The following ARID2 variants were observed in gnomAD, a reference collection of about 807,000 sequenced individuals.
The protein encoded by ARID2 is AT-rich interactive domain-containing protein 2.
ARID2 carries 32 observed loss-of-function variants against 184.6 expected under a neutral mutation model. The ratio of observed to expected loss-of-function variants is 0.17; its 90% CI spans 0.13 to 0.23. The LOEUF (loss-of-function observed/expected upper bound fraction) is 0.23. Among genes scored for constraint, ARID2 ranks in the 10% least tolerant of loss-of-function variants. The probability of loss-of-function intolerance (pLI) is 1.00; values close to 1 mark genes in which losing one functional copy is unlikely to be tolerated. For missense variants in ARID2, 1,696 were observed against 2,197.6 expected (o/e 0.77, Z 4.56); for synonymous variants, 836 against 772.6 (o/e 1.08, Z -1.36).
intron 6 of ARID2, among the ~76,000 whole-genome samples, chr12:45,832,762 G>A (rs2138118043): frequency 6.6e-6 from 1 of 152,220 alleles, no homozygotes; most frequent in Middle Eastern, 3.4e-3. Flanking sequence ...TTAAAAAACA[G>A]TAAAAAGTAA....
chr12:45,827,968 A>C (rs906684093), intron 6 of ARID2, among the ~76,000 whole-genome samples: 2 of 152,112 alleles, frequency 1.3e-5, no homozygotes, highest in African/African-American at 4.8e-5. Flanking sequence ...TTCAGGATGC[A>C]TTGACTTTGT....
At chr12:45,869,173 T>C (rs1943877862) in intron 16 of ARID2, among the ~76,000 whole-genome samples, 1 of 152,006 alleles carries the variant, frequency 6.6e-6, no homozygotes, top group African/African-American at 2.4e-5. Flanking sequence ...CGTGCCACCA[T>C]GCCCAGCTAA....
At chr12:45,816,516 A>G (rs1942804849) in intron 4 of ARID2, among the ~76,000 whole-genome samples, 2 of 152,240 alleles carry the variant, frequency 1.3e-5, no homozygotes, top group South Asian at 4.1e-4. Flanking sequence ...ACAGTTTCAC[A>G]GTTTGTTACA....
In ARID2 at chr12:45,738,972, CT is replaced by C. The variant is rs573275434; in HGVS notation, c.284+7667del. On this transcript the variant is annotated intron_variant, in intron 3 of 20. Transcript: ENST00000334344. ...TGCTGTACATTTTACAGAGTGTTGT[CT>C]TTTTTTTTCTTTTTGAGACAGTTTC... 2.8e-3 allele frequency among the ~76,000 whole-genome samples: 421 copies of C among 149,782 alleles called. 3 individuals are homozygous for C. Among genetic ancestry groups the C allele is most frequent in the Admixed American group, 4.8e-3 (72 of 14,948 alleles).
intron 2 of ARID2, among the ~76,000 whole-genome samples, chr12:45,730,826 C>T (rs367954741): frequency 2.6e-5 from 4 of 151,574 alleles, no homozygotes; most frequent in East Asian, 1.9e-4. Flanking sequence ...CGGCCCCCCC[C>T]CCAACCCGCG....
intron 3 of ARID2, among the ~76,000 whole-genome samples, chr12:45,792,519 A>G (rs1481667157): frequency 6.6e-6 from 1 of 152,206 alleles, no homozygotes; most frequent in Non-Finnish European, 1.5e-5. Context: ...TGCTTTGTAT[A>G]CAGTATGTCC....
chr12:45,781,347 C>A (rs1942085460), intron 3 of ARID2, among the ~76,000 whole-genome samples: 1 of 5,524 alleles, frequency 1.8e-4, no homozygotes, highest in Non-Finnish European at 4.2e-4. Flanking sequence ...AATTAATTTC[C>A]TTGTGGCCCA....
chr12:45,758,982 TTC>T (rs1431305654), intron 3 of ARID2, among the ~76,000 whole-genome samples: 2 of 152,084 alleles, frequency 1.3e-5, no homozygotes, highest in Non-Finnish European at 2.9e-5. Context: ...CTGCTGAAAC[TTC>T]TGTTGTGATA....
rs1942030001 is a variant in ARID2 at position 45,778,483 on chromosome 12, G to A, written c.285-32935G>A. 3.9e-5 allele frequency among the ~76,000 whole-genome samples: 6 copies of A among 152,040 alleles called. No individual in the cohort carries two copies. The South Asian group carries it at 1.2e-3, about 32-fold the overall frequency. On this transcript the variant is annotated intron_variant, in intron 3 of 20. Coordinates refer to ENST00000334344, the MANE Select transcript of ARID2 (RefSeq NM_152641.4). ...TTTGATATTTGTGTGTATATAGATA[G>A]GTAGAGAAGGCAGAGAGAGAAGTAA...
chr12:45,760,975 TGTTGG>T (rs1941667368), intron 3 of ARID2, among the ~76,000 whole-genome samples: 2 of 152,158 alleles, frequency 1.3e-5, no homozygotes, highest in African/African-American at 4.8e-5. Context: ...AGTCCTTCCA[TGTTGG>T]CCCCACAAAG....
At position 45,817,664 on chromosome 12, in the gene ARID2, T is replaced by C; in HGVS notation, c.419-6T>C. 6.3e-7 allele frequency: 1 copy of C among 1,598,272 alleles called. No individual in the cohort carries two copies. The highest frequency in any genetic ancestry group is 1.1e-5 in the South Asian group (1 of 88,942). On this transcript the variant is annotated splice_region_variant and splice_polypyrimidine_tract_variant and intron_variant, in intron 4 of 20. Coordinates refer to ENST00000334344, the MANE Select transcript of ARID2 (RefSeq NM_152641.4). ...ATATACTTAAGGTATTTTTTTTCTT[T>C]GTTAGATTATCTGCGTCAAAGTTAT...
At chr12:45,811,266 CTG>C (rs756544103) in intron 3 of ARID2, 150 bp from the exon 4 acceptor site, 4 of 735,658 alleles carry the variant, frequency 5.4e-6, no homozygotes, top group East Asian at 3.0e-5. Context: ...TTACTCTAAA[CTG>C]GAGTTACTGT....
intron 3 of ARID2, among the ~76,000 whole-genome samples, chr12:45,810,666 A>G (rs1005397284): frequency 1.3e-5 from 2 of 152,208 alleles, no homozygotes; most frequent in Non-Finnish European, 2.9e-5. Flanking sequence ...TTAAATAAAG[A>G]TATTCTCAGA....
At chr12:45,807,970 T>G (rs1317732427) in intron 3 of ARID2, among the ~76,000 whole-genome samples, 2 of 152,210 alleles carry the variant, frequency 1.3e-5, no homozygotes, top group Non-Finnish European at 2.9e-5. Context: ...TTGGTCACAT[T>G]TAAGCTTTCT....
chr12:45,738,812 T>TTTTTTTTTTTC (rs1941183333), intron 3 of ARID2, among the ~76,000 whole-genome samples: 1 of 133,950 alleles, frequency 7.5e-6, no homozygotes, highest in African/African-American at 2.9e-5. Flanking sequence ...TTTTTTTTTT[T>TTTTTTTTTTTC]TAAGGCTTTA....
rs137973429 is a variant in ARID2, at chr12:45,907,156, G to A, written c.*2078G>A. ...AGACTGGCACTGCCCAACAGACACCGCTGAAATCATGTGGGTATCCCTAGG... is the reference window on the plus strand; with the variant it reads ...AGACTGGCACTGCCCAACAGACACCACTGAAATCATGTGGGTATCCCTAGG... On this transcript the variant is annotated 3_prime_UTR_variant, in exon 21 of 21. Coordinates refer to ENST00000334344, the MANE Select transcript of ARID2 (RefSeq NM_152641.4). 4.3e-5 allele frequency: 10 copies of A among 232,500 alleles called. No homozygotes were observed. Among genetic ancestry groups the A allele is most frequent in the African/African-American group, 6.6e-5 (3 of 45,390 alleles). The allele number at this position is 232,500 out of a possible 1,614,324, so 14.4% of individuals were successfully genotyped here.
chr12:45,784,520 A>C (rs1310455191), intron 3 of ARID2, among the ~76,000 whole-genome samples: 1 of 152,172 alleles, frequency 6.6e-6, no homozygotes, highest in African/African-American at 2.4e-5. Flanking sequence ...TCTACAAAAA[A>C]TACAAAAATT....
At chr12:45,739,144 T>C (rs1244651575) in intron 3 of ARID2, among the ~76,000 whole-genome samples, 1 of 147,246 alleles carries the variant, frequency 6.8e-6, no homozygotes, top group Non-Finnish European at 1.5e-5. Context: ...AATTATTTTG[T>C]TTTTTTGCTT....
chr12:45,827,421 T>C (rs1943023779), intron 6 of ARID2, among the ~76,000 whole-genome samples: 1 of 152,176 alleles, frequency 6.6e-6, no homozygotes, highest in Non-Finnish European at 1.5e-5. Flanking sequence ...TGTACATTAA[T>C]TCATTTATTT....
Sources: gnomAD v4.1 joint callset for allele counts (sites outside exome capture counted in the v4.1 genomes callset) on GRCh38, gnomAD v4.1.1 for gene constraint, MANE v1.5 for transcripts, NCBI Gene and HGNC (gene_info 2026-07-23, HGNC 2026-07-21) for gene names.